TRMT5: variants seen among roughly 807,000 people sequenced by gnomAD.
TRMT5 encodes tRNA methyltransferase 5.
A neutral mutation model predicts 42.2 loss-of-function variants in TRMT5; 31 were observed. The observed-to-expected ratio is 0.73, with a 90% CI of 0.55 to 0.99. TRMT5 has a LOEUF of 0.99. Among genes scored for constraint, TRMT5 ranks in the 50% least tolerant of loss-of-function variants. The pLI is 0.00. For synonymous variants in TRMT5, 198 were observed against 209.6 expected (o/e 0.94, Z 0.48); for missense variants, 568 against 595.0 (o/e 0.95, Z 0.47).
At chr14:60,981,291 G>C (rs776298179), upstream of TRMT5, 6 of 1,606,964 alleles carry the variant, frequency 3.7e-6, no homozygotes, top group Non-Finnish European at 5.1e-6. Context: ...GAGGCGTCCT[G>C]GGGGAGCTTC....
Position 60,974,032 on chromosome 14 carries a change from T to G in TRMT5, c.*1077A>C, listed in dbSNP as rs976163209. 2.0e-5 allele frequency: 3 copies of G among 152,250 alleles called. No homozygotes were observed. Among genetic ancestry groups the G allele is most frequent in the Non-Finnish European group, 2.9e-5 (2 of 68,044 alleles). The allele number at this position is 152,250 out of a possible 1,614,324, so 9.4% of individuals were successfully genotyped here. A position where few individuals can be genotyped will look rare whatever the true frequency, so the allele number is the denominator to read the frequency against. On this transcript the variant is annotated 3_prime_UTR_variant, in exon 5 of 5. Transcript: ENST00000261249. ...GTCTGGTAATGTCAATGGTTATTCT[T>G]TTAGCTTAGCTATATAGATGCTTTG...
rs1234041461 is a variant in TRMT5 at position 60,975,423 on chromosome 14, T to TA, written c.1444+51dup. On this transcript the variant is annotated intron_variant, in intron 4 of 4. Coordinates refer to ENST00000261249, the MANE Select transcript of TRMT5 (RefSeq NM_020810.3). ...TAAAATTTGTAAAACTGGGAGGAAT[T>TA]AGTTACAATTGAATGGCAAGGTTTA... The TA allele has an allele frequency of 3.2e-6, 5 of 1,568,590 alleles. No homozygotes were observed. In the Admixed American group the frequency reaches 5.5e-5, roughly 17 times the overall value.
In TRMT5 at chr14:60,980,968, C is replaced by T; in HGVS notation, c.6G>A (p.Val2=). 6.2e-7 allele frequency: 1 copy of T among 1,612,378 alleles called. No individual in the cohort carries two copies. Among genetic ancestry groups the T allele is most frequent in the South Asian group, 1.1e-5 (1 of 91,084 alleles). Residue 2 remains valine (V), a synonymous_variant, in exon 1 of 5, where the codon GTG becomes GTA. Transcript: ENST00000261249. Reference sequence around the variant, plus strand: ...TAACGCGGCCGCCACCTCACCAAAGCACCATTCCAATTCCCCACGTCGCTC... The same window carrying T: ...TAACGCGGCCGCCACCTCACCAAAGTACCATTCCAATTCCCCACGTCGCTC... M[V]LWILWRPFGF... is the part of the protein sequence containing the mutation.
chr14:60,979,560 A>G lies in TRMT5; in HGVS notation c.338T>C (p.Leu113Pro). The part of the protein sequence containing the change: ...KEIVSKLMRS[L>P]KRAALQRPGI... ...TGGGCGCTGCAATGCTGCCCTTTTT[A>G]GGGATCGCATCAATTTACTGACTAT... is the stretch of plus-strand genomic sequence containing the variant. The change falls in exon 2 of 5, where the codon CTA becomes CCA. Residue 113 changes from leucine (L) to proline (P), a missense_variant. Coordinates refer to ENST00000261249, the MANE Select transcript of TRMT5 (RefSeq NM_020810.3). The G allele has an allele frequency of 6.2e-7, 1 of 1,614,124 alleles. No individual in the cohort carries two copies. The highest frequency in any genetic ancestry group is 8.5e-7 in the Non-Finnish European group (1 of 1,180,012).
At chr14:60,980,568 G>A (rs1302166047) in intron 1 of TRMT5, among the ~76,000 whole-genome samples, 2 of 152,160 alleles carry the variant, frequency 1.3e-5, no homozygotes, top group East Asian at 3.9e-4. Flanking sequence ...TTTTGAGGAC[G>A]AGAGCTTTGC....
Position 60,975,773 on chromosome 14 carries a change from C to T in TRMT5, c.1146G>A (p.Val382=), listed in dbSNP as rs367711546. The T allele has an allele frequency of 3.7e-6, 6 of 1,614,092 alleles. No homozygotes were observed. The highest frequency in any genetic ancestry group is 5.1e-6 in the Non-Finnish European group (6 of 1,180,038). The stretch of plus-strand genomic sequence containing the variant: ...TTGCTGGCAAGTTCATGACAACGTG[C>T]ACAGAGGGTTTTCTTTCTTTTGACA... ...LGLSKERKPS[V]HVVMNLPAKA... The change falls in exon 4 of 5, where the codon GTG becomes GTA. Residue 382 remains valine, a synonymous_variant. Transcript: ENST00000261249.
intron 2 of TRMT5, among the ~76,000 whole-genome samples, chr14:60,978,781 T>A (rs2036879485): frequency 6.6e-6 from 1 of 152,184 alleles, no homozygotes; most frequent in East Asian, 1.9e-4. Flanking sequence ...AAAAGAAATG[T>A]GTAACAGGAC....
intron 3 of TRMT5, among the ~76,000 whole-genome samples, chr14:60,976,633 T>G (rs1437474952): frequency 6.6e-6 from 1 of 152,328 alleles, no homozygotes; most frequent in East Asian, 1.9e-4. Context: ...ATGGTAGATG[T>G]GTCACTCAAT....
rs1239671187 is a variant in TRMT5, at chr14:60,979,748, T to C, written c.150A>G (p.Leu50=). 8 of 1,614,130 alleles carry C rather than the reference T, an allele frequency of 5.0e-6. No individual in the cohort carries two copies. The East Asian group carries it at 1.8e-4, about 36-fold the overall frequency. Residue 50 remains leucine, a synonymous_variant, in exon 2 of 5, where the codon TTA becomes TTG. Coordinates refer to ENST00000261249, the MANE Select transcript of TRMT5 (RefSeq NM_020810.3). ...QMLLEAPGIF[L]LGQRKRFSTM... is the part of the protein sequence containing the mutation. Reference sequence around the variant, plus strand: ...TTGAGAATCTTTTTCTTTGACCCAATAAGAAAATACCAGGTGCTTCCAAAA... The same window carrying C: ...TTGAGAATCTTTTTCTTTGACCCAACAAGAAAATACCAGGTGCTTCCAAAA...
chr14:60,974,215 C>CA lies in TRMT5; in HGVS notation c.*893dup, dbSNP rs1418440555. The CA allele has an allele frequency of 6.6e-6, 1 of 152,218 alleles. No individual in the cohort carries two copies. Among genetic ancestry groups the CA allele is most frequent in the East Asian group, 1.9e-4 (1 of 5,204 alleles). The allele number at this position is 152,218 out of a possible 1,614,324, so 9.4% of individuals were successfully genotyped here. On this transcript the variant is annotated 3_prime_UTR_variant, in exon 5 of 5. Transcript: ENST00000261249. Reference sequence around the variant, plus strand: ...CATGGCACTCAAAATGCTGTCGTTACAACCACATCAGTGATTTGTGATGTG... The same window carrying CA: ...CATGGCACTCAAAATGCTGTCGTTACAAACCACATCAGTGATTTGTGATGTG...
In TRMT5 at chr14:60,979,211, TATTACTATGACAC is replaced by T; in HGVS notation, c.667+7_667+19del. ...TGCAAATTCCCTTCAAATACATGAATATTACTATGACACACGTACCAATTAAATGTTTGAAAGG... is the reference window on the plus strand; with the variant it reads ...TGCAAATTCCCTTCAAATACATGAATACGTACCAATTAAATGTTTGAAAGG... On this transcript the variant is annotated splice_region_variant and intron_variant, in intron 2 of 4. Coordinates refer to ENST00000261249, the MANE Select transcript of TRMT5 (RefSeq NM_020810.3). 6.5e-7 allele frequency: 1 copy of T among 1,540,920 alleles called. No individual in the cohort carries two copies. Among genetic ancestry groups the T allele is most frequent in the Non-Finnish European group, 8.7e-7 (1 of 1,146,080 alleles).
At chr14:60,981,430 C>T (rs1266101205), upstream of TRMT5, 4 of 1,551,436 alleles carry the variant, frequency 2.6e-6, no homozygotes, top group African/African-American at 1.4e-5. Flanking sequence ...TCCGGCTTCC[C>T]TCAAGTGCCT....
upstream of TRMT5, chr14:60,981,154 C>G: frequency 6.5e-7 from 1 of 1,541,154 alleles, no homozygotes; most frequent in Non-Finnish European, 8.8e-7. Context: ...CTTCCAGGCC[C>G]TGGTGAAGTA....
Position 60,975,882 on chromosome 14 carries a change from T to C in TRMT5, c.1037A>G (p.Asp346Gly), listed in dbSNP as rs961259704. The C allele has an allele frequency of 1.2e-6, 2 of 1,614,116 alleles. No homozygotes were observed. Among genetic ancestry groups the C allele is most frequent in the African/African-American group, 1.3e-5 (1 of 74,944 alleles). Reference protein sequence around the residue: ...LLYNCKLNKVDQKVKVFNLDG... With the variant: ...LLYNCKLNKVGQKVKVFNLDG... ...CAAGTTGAAGACTTTCACCTTTTGG[T>C]CCACTTTATTTAATTTACAGTTGTA... The change falls in exon 4 of 5, where the codon GAC becomes GGC. Residue 346 changes from aspartate to glycine, a missense_variant. By Grantham distance (94) the Asp-to-Gly change is moderately conservative. Coordinates refer to ENST00000261249, the MANE Select transcript of TRMT5 (RefSeq NM_020810.3).
At position 60,971,924 on chromosome 14, in the gene TRMT5, C is replaced by G. The variant is rs1306808761; in HGVS notation, c.*3185G>C. 1 of 227,950 alleles carries G rather than the reference C, an allele frequency of 4.4e-6. No homozygotes were observed. The highest frequency in any genetic ancestry group is 5.3e-5 in the Admixed American group (1 of 19,010). The allele number at this position is 227,950 out of a possible 1,614,324, so 14.1% of individuals were successfully genotyped here. A position where few individuals can be genotyped will look rare whatever the true frequency, so the allele number is the denominator to read the frequency against. On this transcript the variant is annotated 3_prime_UTR_variant, in exon 5 of 5. Transcript: ENST00000261249. ...GGAAAGGGAAAAGAAGACATAAAAA[C>G]GAATTTGTTTTTCCATACCACAAGG...
chr14:60,979,707 T>C lies in TRMT5; in HGVS notation c.191A>G (p.Glu64Gly), dbSNP rs759530462. 2 of 1,614,158 alleles carry C rather than the reference T, an allele frequency of 1.2e-6. No individual in the cohort carries two copies. The highest frequency in any genetic ancestry group is 2.2e-5 in the East Asian group (1 of 44,882). Reference sequence around the variant, plus strand: ...CAATTCAGTCTCTCTCTCATGTGTTTCTGTTTCTGGCATGGTTGAGAATCT... The same window carrying C: ...CAATTCAGTCTCTCTCTCATGTGTTCCTGTTTCTGGCATGGTTGAGAATCT... ...RKRFSTMPET[E>G]THERETELFS... Residue 64 changes from glutamate to glycine, a missense_variant, in exon 2 of 5, where the codon GAA becomes GGA. Physicochemically the swap from Glu to Gly is moderately conservative, Grantham distance 98. Coordinates refer to ENST00000261249, the MANE Select transcript of TRMT5 (RefSeq NM_020810.3).
Position 60,979,359 on chromosome 14 carries a change from A to G in TRMT5, c.539T>C (p.Phe180Ser). 4 of 1,614,148 alleles carry G rather than the reference A, an allele frequency of 2.5e-6. No individual in the cohort carries two copies. The highest frequency in any genetic ancestry group is 3.4e-6 in the Non-Finnish European group (4 of 1,180,010). ...KYNLELTYEH[F>S]KSEEILRAVL... The stretch of plus-strand genomic sequence containing the variant: ...AGCTCTCAAGATTTCTTCTGACTTA[A>G]AGTGTTCATATGTTAGTTCCAAATT... Residue 180 changes from phenylalanine (F) to serine (S), a missense_variant, in exon 2 of 5, where the codon TTT becomes TCT. Phe to Ser is a radical substitution (Grantham distance 155, BLOSUM62 -2). Coordinates refer to ENST00000261249, the MANE Select transcript of TRMT5 (RefSeq NM_020810.3).
At chr14:60,976,905 A>G (rs986696552) in intron 3 of TRMT5, among the ~76,000 whole-genome samples, 5 of 152,206 alleles carry the variant, frequency 3.3e-5, no homozygotes, top group Non-Finnish European at 7.3e-5. Flanking sequence ...GACCTCAGCC[A>G]TCATCTTAAA....
In TRMT5 at chr14:60,975,908, C is replaced by A. The variant is rs571834207; in HGVS notation, c.1011G>T (p.Leu337Phe). 9 of 1,614,178 alleles carry A rather than the reference C, an allele frequency of 5.6e-6. No individual in the cohort carries two copies. The African/African-American group carries it at 1.2e-4, about 22-fold the overall frequency. The change falls in exon 4 of 5, where the codon TTG (leucine) becomes TTT (phenylalanine). Residue 337 changes from leucine (L) to phenylalanine (F), a missense_variant. Transcript: ENST00000261249. ...CCACTTTATTTAATTTACAGTTGTA[C>A]AACAGCCATTTATGAGATTCAGGAT... ...DLNPESHKWL[L>F]YNCKLNKVDQ...
Sources: gnomAD v4.1 joint callset for allele counts (sites outside exome capture counted in the v4.1 genomes callset) on GRCh38, gnomAD v4.1.1 for gene constraint, MANE v1.5 for transcripts, NCBI Gene and HGNC (gene_info 2026-07-23, HGNC 2026-07-21) for gene names.